FMN2: variants seen among roughly 807,000 people sequenced by gnomAD.
FMN2 encodes the protein formin-2.
FMN2 carries 51 observed loss-of-function variants against 142.3 expected under a neutral mutation model. That is an observed-to-expected ratio of 0.36 (90% CI 0.29 to 0.45). The LOEUF (loss-of-function observed/expected upper bound fraction) is 0.45, where lower values mean the gene tolerates loss of function less well. Among genes scored for constraint, FMN2 ranks in the 20% least tolerant of loss-of-function variants. The pLI is 1.00. For synonymous variants in FMN2, 882 were observed against 869.8 expected (o/e 1.01, Z -0.25); for missense variants, 1,936 against 2,122.8 (o/e 0.91, Z 1.73).
chr1:240,431,792 A>T (rs115407348), intron 15 of FMN2, among the ~76,000 whole-genome samples: 5,162 of 151,500 alleles, frequency 0.034, 278 homozygotes, highest in African/African-American at 0.12. Context: ...TTAACACCAA[A>T]TTGTATTATG....
intron 8 of FMN2, among the ~76,000 whole-genome samples, chr1:240,300,338 A>G (rs1670153151): frequency 2.0e-5 from 3 of 152,180 alleles, no homozygotes; most frequent in Non-Finnish European, 1.5e-5. Flanking sequence ...GGAGCTCAGC[A>G]TGGTAGAACG....
intron 8 of FMN2, among the ~76,000 whole-genome samples, chr1:240,326,712 A>ATT (rs11420131): frequency 0.065 from 9,598 of 147,764 alleles, 379 homozygotes; most frequent in South Asian, 0.12. Context: ...AGCAAGCTGG[A>ATT]TTTTTTTTTT....
At chr1:240,412,865 TA>T (rs1379218262) in intron 15 of FMN2, among the ~76,000 whole-genome samples, 1 of 151,796 alleles carries the variant, frequency 6.6e-6, no homozygotes, top group South Asian at 2.1e-4. Flanking sequence ...CTCATGCCTG[TA>T]AATCCCAGCG....
intron 6 of FMN2, among the ~76,000 whole-genome samples, chr1:240,236,868 A>G (rs999523227): frequency 6.6e-6 from 1 of 152,188 alleles, no homozygotes; most frequent in Non-Finnish European, 1.5e-5. Context: ...CATCCAAACT[A>G]TATCAGCCAT....
chr1:240,409,180 C>T (rs1674313281), intron 15 of FMN2, among the ~76,000 whole-genome samples: 1 of 151,940 alleles, frequency 6.6e-6, no homozygotes, highest in African/African-American at 2.4e-5. Flanking sequence ...TATCACTTTG[C>T]TGCCCAGGCT....
chr1:240,377,762 G>A (rs960115896), intron 14 of FMN2, among the ~76,000 whole-genome samples: 1 of 152,034 alleles, frequency 6.6e-6, no homozygotes, highest in Non-Finnish European at 1.5e-5. Flanking sequence ...AAGGTCAGCT[G>A]ATTAGCAACC....
intron 1 of FMN2, among the ~76,000 whole-genome samples, chr1:240,106,928 C>T (rs768204754): frequency 3.8e-4 from 58 of 151,784 alleles, no homozygotes; most frequent in Non-Finnish European, 6.6e-4. Context: ...AGGTGATCTG[C>T]CCGCCTCAGC....
At chr1:240,230,275 C>T (rs1259462202) in intron 6 of FMN2, among the ~76,000 whole-genome samples, 1 of 129,622 alleles carries the variant, frequency 7.7e-6, no homozygotes, top group Non-Finnish European at 1.6e-5. Flanking sequence ...TGCAGTGAGC[C>T]GAGATCAAGC....
chr1:240,108,648 T>G lies in FMN2; in HGVS notation c.1616-14531T>G, dbSNP rs956612925. Among the ~76,000 whole-genome samples, 7 of 152,324 alleles carry G rather than the reference T, an allele frequency of 4.6e-5. No individual in the cohort carries two copies. The East Asian group carries it at 1.2e-3, about 25-fold the overall frequency. On this transcript the variant is annotated intron_variant, in intron 1 of 17. Transcript: ENST00000319653. ...AAGACATCTGTTTTAATTCTCATTT[T>G]GCATAAGATATAGTGGCCTGGAAGA... is the stretch of plus-strand genomic sequence containing the variant.
At chr1:240,235,327 T>C (rs777881586) in intron 6 of FMN2, among the ~76,000 whole-genome samples, 7 of 152,214 alleles carry the variant, frequency 4.6e-5, no homozygotes, top group South Asian at 2.1e-4. Flanking sequence ...GTGAAGTTAA[T>C]ATTGCTATGA....
At chr1:240,160,281 G>A (rs1468107397) in intron 2 of FMN2, among the ~76,000 whole-genome samples, 1 of 150,994 alleles carries the variant, frequency 6.6e-6, no homozygotes, top group Non-Finnish European at 1.5e-5. Context: ...CCTGATAAAT[G>A]TAAATATTTA....
At chr1:240,468,289 C>CATATACATATGCACACACACAT (rs1478751111) in intron 16 of FMN2, among the ~76,000 whole-genome samples, 6 of 151,670 alleles carry the variant, frequency 4.0e-5, no homozygotes, top group Admixed American at 1.3e-4. Flanking sequence ...TGCACACACA[C>CATATACATATGCACACACACAT]ATATACATAT....
intron 15 of FMN2, among the ~76,000 whole-genome samples, chr1:240,409,916 A>G (rs1446563411): frequency 6.6e-6 from 1 of 152,224 alleles, no homozygotes; most frequent in Admixed American, 6.5e-5. Context: ...TGTATATCTA[A>G]GTAATTTTTA....
rs539976627 is a variant in FMN2, at chr1:240,443,560, C to G, written c.5060+5350C>G. Among the ~76,000 whole-genome samples the G allele has an allele frequency of 3.7e-4, 57 of 152,244 alleles. 1 individual carries two copies. In the South Asian group the frequency reaches 0.011, roughly 30 times the overall value. On this transcript the variant is annotated intron_variant, in intron 16 of 17. Transcript: ENST00000319653. ...ACAAGGTCAGGAGTTCGAGACCAGC[C>G]TGGCCAACATGGTGAAACCCTGTCT...
At chr1:240,405,007 C>T (rs1674100636) in intron 15 of FMN2, among the ~76,000 whole-genome samples, 2 of 152,110 alleles carry the variant, frequency 1.3e-5, no homozygotes, top group Non-Finnish European at 2.9e-5. Context: ...TTTGTATAAA[C>T]TTGAGATCCT....
At chr1:240,121,437 G>A (rs1662242641) in intron 1 of FMN2, among the ~76,000 whole-genome samples, 1 of 149,958 alleles carries the variant, frequency 6.7e-6, no homozygotes, top group Non-Finnish European at 1.5e-5. Flanking sequence ...GTGCAGTGGC[G>A]CGATCTCGGC....
intron 14 of FMN2, among the ~76,000 whole-genome samples, chr1:240,361,178 TATATATA>T (rs1672466878): frequency 2.0e-5 from 2 of 97,838 alleles, no homozygotes; most frequent in South Asian, 2.8e-4. Flanking sequence ...TATATATATA[TATATATA>T]AAAGAGTTTA....
At chr1:240,381,876 G>A (rs1287405962) in intron 14 of FMN2, among the ~76,000 whole-genome samples, 1 of 152,124 alleles carries the variant, frequency 6.6e-6, no homozygotes, top group Non-Finnish European at 1.5e-5. Context: ...ATATGGAATG[G>A]GGAAAAGATT....
chr1:240,138,958 A>C (rs899004779), intron 2 of FMN2, among the ~76,000 whole-genome samples: 2 of 152,234 alleles, frequency 1.3e-5, no homozygotes, highest in Non-Finnish European at 2.9e-5. Context: ...TGTTACTCCT[A>C]CTAATCTCAA....
Sources: gnomAD v4.1 joint callset for allele counts (sites outside exome capture counted in the v4.1 genomes callset) on GRCh38, gnomAD v4.1.1 for gene constraint, MANE v1.5 for transcripts, NCBI Gene and HGNC (gene_info 2026-07-23, HGNC 2026-07-21) for gene names.